The following TNNI3K variants were observed in gnomAD, a reference collection of about 807,000 sequenced individuals.
TNNI3K encodes the protein serine/threonine-protein kinase TNNI3K.
In TNNI3K, 140 loss-of-function variants were observed where a neutral mutation model predicts 114.5. That is an observed-to-expected ratio of 1.22 (90% confidence interval 1.07 to 1.41). The LOEUF (loss-of-function observed/expected upper bound fraction) is 1.41. Among genes scored for constraint, TNNI3K ranks in the 40% most tolerant of loss-of-function variants. The pLI is 0.00. For missense variants in TNNI3K, 1,125 were observed against 1,007.6 expected, an observed-to-expected ratio of 1.12 and a Z score of -1.58; for synonymous variants, 347 against 347.5, an observed-to-expected ratio of 1.00 and a Z score of 0.02.
At chr1:74,353,230 C>T (rs1336389525) in intron 9 of TNNI3K, 36 bp from the exon 10 acceptor site, 1 of 1,600,354 alleles carries the variant, frequency 6.2e-7, no homozygotes, top group East Asian at 2.2e-5. Context: ...TAACAAGGAC[C>T]TTCTATCTTT....
intron 23 of TNNI3K, among the ~76,000 whole-genome samples, chr1:74,522,271 C>T (rs1226640131): frequency 1.3e-5 from 2 of 152,122 alleles, no homozygotes; most frequent in Non-Finnish European, 2.9e-5. Flanking sequence ...CTTGGAGCTG[C>T]TGCTTGTACT....
chr1:74,453,559 C>T (rs1036160918), intron 20 of TNNI3K, among the ~76,000 whole-genome samples: 4 of 152,086 alleles, frequency 2.6e-5, no homozygotes, highest in Non-Finnish European at 4.4e-5. Flanking sequence ...CATACTACTT[C>T]CTGGGAAAAA....
intron 20 of TNNI3K, among the ~76,000 whole-genome samples, chr1:74,452,267 T>G (rs45469893): frequency 0.037 from 5,588 of 152,242 alleles, 329 homozygotes; most frequent in African/African-American, 0.13. Flanking sequence ...TCAATGAGAT[T>G]ATGTTTGTGA....
At chr1:74,397,917 G>A (rs1403403055) in intron 17 of TNNI3K, among the ~76,000 whole-genome samples, 1 of 152,250 alleles carries the variant, frequency 6.6e-6, no homozygotes, top group Non-Finnish European at 1.5e-5. Context: ...TATATATAGT[G>A]ATTCCAAATA....
intron 11 of TNNI3K, among the ~76,000 whole-genome samples, chr1:74,366,221 AG>A (rs1247387896): frequency 1.3e-5 from 2 of 152,042 alleles, no homozygotes; most frequent in Non-Finnish European, 1.5e-5. Context: ...TTTTACAATA[AG>A]CTCTGTTGTA....
At chr1:74,359,982 T>C (rs552661157) in intron 11 of TNNI3K, among the ~76,000 whole-genome samples, 25 of 152,096 alleles carry the variant, frequency 1.6e-4, no homozygotes, top group African/African-American at 5.5e-4. Flanking sequence ...AAATCTTGAA[T>C]GATGCTTGAT....
At chr1:74,248,321 G>A (rs138937481) in intron 2 of TNNI3K, among the ~76,000 whole-genome samples, 11,070 of 152,086 alleles carry the variant, frequency 0.073, 498 homozygotes, top group South Asian at 0.12. Flanking sequence ...AGAGGGAGCC[G>A]GCTCTGGCCT....
intron 23 of TNNI3K, among the ~76,000 whole-genome samples, chr1:74,513,888 C>T (rs892604616): frequency 1.3e-5 from 2 of 152,316 alleles, no homozygotes; most frequent in Admixed American, 6.5e-5. Flanking sequence ...ACAACCGCAT[C>T]TGCAAAGCTC....
At chr1:74,372,467 A>G (rs1401029063) in intron 17 of TNNI3K, 2 of 151,888 alleles carry the variant, frequency 1.3e-5, no homozygotes, top group South Asian at 4.1e-4. Flanking sequence ...GTCTCAATCT[A>G]TTTATAATTA....
intron 5 of TNNI3K, among the ~76,000 whole-genome samples, chr1:74,321,951 G>T (rs1003045315): frequency 6.6e-6 from 1 of 151,986 alleles, no homozygotes; most frequent in Non-Finnish European, 1.5e-5. Flanking sequence ...CGTTTGTAAT[G>T]GTTGTCAAGG....
rs574047632 is a variant in TNNI3K at position 74,481,581 on chromosome 1, T to A, written c.2122-7608T>A. ...CAAGTACCTGTCAGTGGGGTTCTCA[T>A]TATAGTCTGGGCCATCTTGGCCTCC... On this transcript the variant is annotated intron_variant, in intron 21 of 24. Transcript: ENST00000326637. Among the ~76,000 whole-genome samples the A allele has an allele frequency of 1.3e-3, 195 of 152,308 alleles. 1 individual carries two copies. The highest frequency in any genetic ancestry group is 4.3e-3 in the African/African-American group (179 of 41,562).
rs1363869564 is a variant in TNNI3K at position 74,475,644 on chromosome 1, G to A, written c.2121+12094G>A. 3 of 717,140 alleles carry A rather than the reference G, an allele frequency of 4.2e-6. No individual in the cohort carries two copies. The East Asian group carries it at 8.0e-5, about 19-fold the overall frequency. 44.4% of individuals were successfully genotyped at this position (717,140 alleles called of 1,614,324 possible). ...CCTTTATCTCGTTTTCCTGAGTTAA[G>A]TGGCAGTTGCAGTATCCCTTAGTGT... On this transcript the variant is annotated intron_variant, in intron 21 of 24. Coordinates refer to ENST00000326637, the MANE Select transcript of TNNI3K (RefSeq NM_015978.3).
chr1:74,438,456 T>C (rs1666232784), intron 19 of TNNI3K, among the ~76,000 whole-genome samples: 1 of 152,104 alleles, frequency 6.6e-6, no homozygotes, highest in South Asian at 2.1e-4. Context: ...AATGGTTTCC[T>C]TCAATGGACA....
intron 24 of TNNI3K, among the ~76,000 whole-genome samples, chr1:74,543,178 G>C (rs1646748463): frequency 7.4e-6 from 1 of 134,780 alleles, no homozygotes; most frequent in Admixed American, 8.8e-5. Context: ...GGGTTCAAGT[G>C]ATTCTCCTGC....
At chr1:74,538,098 G>A (rs1432402136) in intron 23 of TNNI3K, among the ~76,000 whole-genome samples, 3 of 152,058 alleles carry the variant, frequency 2.0e-5, no homozygotes, top group Non-Finnish European at 4.4e-5. Context: ...TCCTGCCAGG[G>A]ATAAATAGGC....
chr1:74,426,065 A>T (rs1425130859), intron 17 of TNNI3K, among the ~76,000 whole-genome samples: 1 of 152,124 alleles, frequency 6.6e-6, no homozygotes, highest in African/African-American at 2.4e-5. Context: ...TGGAAGGCAT[A>T]TGGGACTAAG....
intron 4 of TNNI3K, among the ~76,000 whole-genome samples, chr1:74,260,442 C>T (rs1394741726): frequency 3.9e-5 from 6 of 152,154 alleles, no homozygotes; most frequent in Admixed American, 2.6e-4. Flanking sequence ...AGTTATGAGA[C>T]TTGCTAATTA....
At chr1:74,299,820 C>G (rs1209222339) in intron 5 of TNNI3K, among the ~76,000 whole-genome samples, 2 of 151,994 alleles carry the variant, frequency 1.3e-5, no homozygotes, top group African/African-American at 4.8e-5. Context: ...GGCAGTGGCT[C>G]TTTTATGAAG....
At chr1:74,541,061 G>A (rs775610581) in intron 24 of TNNI3K, among the ~76,000 whole-genome samples, 2 of 152,090 alleles carry the variant, frequency 1.3e-5, no homozygotes, top group Non-Finnish European at 2.9e-5. Flanking sequence ...TTAGCACAAT[G>A]GGCCCATTTA....
Sources: allele counts gnomAD v4.1 joint callset (sites outside exome capture counted in the v4.1 genomes callset), GRCh38; gene constraint gnomAD v4.1.1; transcripts MANE v1.5; gene names NCBI Gene and HGNC (gene_info 2026-07-23, HGNC 2026-07-21).